KLHL18: variants seen among roughly 807,000 people sequenced by gnomAD.
KLHL18 encodes the protein kelch like family member 18.
A neutral mutation model predicts 58.5 loss-of-function variants in KLHL18; 38 were observed. The observed-to-expected ratio is 0.65, with a 90% CI of 0.50 to 0.85. The LOEUF (loss-of-function observed/expected upper bound fraction) is 0.85, where lower values mean the gene tolerates loss of function less well. Ranked by LOEUF, KLHL18 falls within the 40% of genes least tolerant of loss-of-function variation. The pLI is 0.00. For synonymous variants in KLHL18, 303 were observed against 301.9 expected (o/e 1.00, Z -0.04); for missense variants, 624 against 778.4 (o/e 0.80, Z 2.36).
At chr3:47,324,611 T>C (rs1247245573) in intron 3 of KLHL18, among the ~76,000 whole-genome samples, 1 of 152,000 alleles carries the variant, frequency 6.6e-6, no homozygotes, top group Non-Finnish European at 1.5e-5. Context: ...GGCAGGAGGA[T>C]TGCTTGAGGT....
At chr3:47,331,362 A>G (rs1002247016) in intron 4 of KLHL18, among the ~76,000 whole-genome samples, 1 of 146,070 alleles carries the variant, frequency 6.8e-6, no homozygotes, top group South Asian at 2.2e-4. Context: ...CTGGCCTCAC[A>G]TGATCCTCTC....
chr3:47,325,644 ACATCTT>A (rs1282806903), intron 3 of KLHL18, among the ~76,000 whole-genome samples: 3 of 152,128 alleles, frequency 2.0e-5, no homozygotes, highest in Non-Finnish European at 4.4e-5. Context: ...TCAGTCTATT[ACATCTT>A]CAGCCCGCTG....
At chr3:47,305,334 GTT>G (rs397744565) in intron 1 of KLHL18, among the ~76,000 whole-genome samples, 8 of 70,388 alleles carry the variant, frequency 1.1e-4, no homozygotes, top group African/African-American at 2.6e-4. Flanking sequence ...ATTTTGTCAA[GTT>G]TTTTTTTTTT....
At chr3:47,331,283 T>C (rs1227057967) in intron 4 of KLHL18, among the ~76,000 whole-genome samples, 1 of 151,702 alleles carries the variant, frequency 6.6e-6, no homozygotes, top group Non-Finnish European at 1.5e-5. Context: ...CCCGCTACCA[T>C]GCCTGGCTAA....
intron 1 of KLHL18, among the ~76,000 whole-genome samples, chr3:47,300,578 G>A (rs1703001803): frequency 6.9e-6 from 1 of 144,098 alleles, no homozygotes; most frequent in Admixed American, 7.0e-5. Flanking sequence ...CATTTTATAT[G>A]ATCACTGTTT....
intron 1 of KLHL18, among the ~76,000 whole-genome samples, chr3:47,304,820 C>A (rs892227514): frequency 2.0e-5 from 3 of 151,962 alleles, no homozygotes; most frequent in African/African-American, 7.2e-5. Flanking sequence ...GCTCACAAGT[C>A]CAAGACCAGC....
chr3:47,345,991 C>G lies in KLHL18; in HGVS notation c.*2050C>G, dbSNP rs1278913419. 1 of 152,520 alleles carries G rather than the reference C, an allele frequency of 6.6e-6. No homozygotes were observed. The highest frequency in any genetic ancestry group is 6.5e-5 in the Admixed American group (1 of 15,272). The allele number at this position is 152,520 out of a possible 1,614,324, so 9.4% of individuals were successfully genotyped here. A position where few individuals can be genotyped will look rare whatever the true frequency, so the allele number is the denominator to read the frequency against. ...GGGCTCCAGCATTTCTCCCTCCTTC[C>G]TGGTTTGCCTGTAGGGGTAGACTCG... On this transcript the variant is annotated 3_prime_UTR_variant, in exon 10 of 10. Transcript: ENST00000232766.
intron 2 of KLHL18, among the ~76,000 whole-genome samples, chr3:47,322,145 C>G (rs921725280): frequency 4.6e-5 from 7 of 151,926 alleles, no homozygotes; most frequent in Admixed American, 4.6e-4. Flanking sequence ...ATTATGCTTA[C>G]CAATAAAGGA....
At position 47,345,546 on chromosome 3, in the gene KLHL18, G is replaced by A. The variant is rs555865036; in HGVS notation, c.*1605G>A. 1.3e-5 allele frequency: 2 copies of A among 152,760 alleles called. No individual in the cohort carries two copies. The highest frequency in any genetic ancestry group is 3.9e-4 in the East Asian group (2 of 5,190). 9.5% of individuals were successfully genotyped at this position (152,760 alleles called of 1,614,324 possible). A position where few individuals can be genotyped will look rare whatever the true frequency, so the allele number is the denominator to read the frequency against. On this transcript the variant is annotated 3_prime_UTR_variant, in exon 10 of 10. Coordinates refer to ENST00000232766, the MANE Select transcript of KLHL18 (RefSeq NM_025010.5). Reference sequence around the variant, plus strand: ...CTAATGTAGCACAGCGGGACTCAAAGAGGAGGACATTTTCTCTTGCCAGTG... The same window carrying A: ...CTAATGTAGCACAGCGGGACTCAAAAAGGAGGACATTTTCTCTTGCCAGTG...
intron 3 of KLHL18, 28 bp from the exon 4 acceptor site, chr3:47,329,923 A>ATTTTTTTTTTTTTTTTT (rs758333312): frequency 6.9e-7 from 1 of 1,451,858 alleles, no homozygotes. Flanking sequence ...TCTTCCTCTA[A>ATTTTTTTTTTTTTTTTT]TTTTTTTTTT....
In KLHL18 at chr3:47,313,101, G is replaced by A. The variant is rs572536137; in HGVS notation, c.130-6552G>A. 8.8e-3 allele frequency among the ~76,000 whole-genome samples: 1,335 copies of A among 151,786 alleles called. 10 individuals are homozygous for A. The highest frequency in any genetic ancestry group is 0.045 in the Middle Eastern group (13 of 292). On this transcript the variant is annotated intron_variant, in intron 1 of 9. Coordinates refer to ENST00000232766, the MANE Select transcript of KLHL18 (RefSeq NM_025010.5). ...ATTTTTTGTATTTTTAGTAGAGACA[G>A]CGTTTCACTGTGTTAGCCAGGATGG...
intron 3 of KLHL18, among the ~76,000 whole-genome samples, chr3:47,326,031 A>G (rs6806058): frequency 0.052 from 7,837 of 151,600 alleles, 679 homozygotes; most frequent in African/African-American, 0.18. Context: ...CACTGCAACC[A>G]CCACCTCCCA....
In KLHL18 at chr3:47,329,288, C is replaced by T. The variant is rs573159834; in HGVS notation, c.402-663C>T. Among the ~76,000 whole-genome samples the T allele has an allele frequency of 1.7e-4, 26 of 152,066 alleles. No homozygotes were observed. The South Asian group carries it at 3.5e-3, about 21-fold the overall frequency. ...TGTCGCCCAGGCTGGAGTGCAGTGG[C>T]GCAGTCTCGGCTCACTGCAAGCTCC... On this transcript the variant is annotated intron_variant, in intron 3 of 9. Transcript: ENST00000232766.
At chr3:47,332,725 A>G (rs1052619632) in intron 4 of KLHL18, among the ~76,000 whole-genome samples, 1 of 152,026 alleles carries the variant, frequency 6.6e-6, no homozygotes, top group African/African-American at 2.4e-5. Flanking sequence ...ATCTAGAGCC[A>G]GGCCTTAAAA....
chr3:47,287,267 ACT>A (rs1214735888), intron 1 of KLHL18: 1 of 152,002 alleles, frequency 6.6e-6, no homozygotes, highest in Non-Finnish European at 1.5e-5. Flanking sequence ...TATCACACAG[ACT>A]CTGCAGCCAC....
At chr3:47,311,077 T>C (rs1703288659) in intron 1 of KLHL18, among the ~76,000 whole-genome samples, 1 of 152,068 alleles carries the variant, frequency 6.6e-6, no homozygotes. Context: ...TGGCGCGATC[T>C]TGGCTCACTG....
chr3:47,333,147 C>G lies in KLHL18; in HGVS notation c.601-10C>G, dbSNP rs368065191. 75 of 1,610,744 alleles carry G rather than the reference C, an allele frequency of 4.7e-5. No homozygotes were observed. The highest frequency in any genetic ancestry group is 3.3e-5 in the South Asian group (3 of 90,630). ...AGGATTTGCTGCCAGAACATCCACT[C>G]TCATGACAGGTCTTTGAAGCTGCAT... On this transcript the variant is annotated splice_polypyrimidine_tract_variant and intron_variant, in intron 4 of 9. Coordinates refer to ENST00000232766, the MANE Select transcript of KLHL18 (RefSeq NM_025010.5).
intron 1 of KLHL18, among the ~76,000 whole-genome samples, chr3:47,293,534 C>T (rs1248508705): frequency 6.6e-6 from 1 of 152,164 alleles, no homozygotes; most frequent in Non-Finnish European, 1.5e-5. Flanking sequence ...CAAATGGTCA[C>T]TTAAAAGGAA....
chr3:47,294,830 G>A (rs1702862326), intron 1 of KLHL18, among the ~76,000 whole-genome samples: 1 of 152,220 alleles, frequency 6.6e-6, no homozygotes, highest in African/African-American at 2.4e-5. Flanking sequence ...AGACAGCACT[G>A]CGTTTTGCTT....
Sources: allele counts gnomAD v4.1 joint callset (sites outside exome capture counted in the v4.1 genomes callset), GRCh38; gene constraint gnomAD v4.1.1; transcripts MANE v1.5; gene names NCBI Gene and HGNC (gene_info 2026-07-23, HGNC 2026-07-21).